Variants in CPED1 observed in about 807,000 individuals in gnomAD.
CPED1 encodes the protein cadherin like and PC-esterase domain containing 1.
Under a neutral mutation model 128.2 loss-of-function variants are expected in CPED1, and 114 were observed. The ratio of observed to expected loss-of-function variants is 0.89; its 90% CI spans 0.76 to 1.04. CPED1 has a LOEUF of 1.04. Ranked by LOEUF, CPED1 falls within the 50% of genes least tolerant of loss-of-function variation. The probability of loss-of-function intolerance (pLI) is 0.00; values close to 1 mark genes in which losing one functional copy is unlikely to be tolerated. For missense variants in CPED1, 1,211 were observed against 1,207.1 expected, an observed-to-expected ratio of 1.00 and a Z score of -0.05; for synonymous variants, 462 against 426.7, an observed-to-expected ratio of 1.08 and a Z score of -1.02.
intron 4 of CPED1, among the ~76,000 whole-genome samples, chr7:121,058,654 A>G (rs1563009122): frequency 1.3e-5 from 2 of 152,216 alleles, no homozygotes; most frequent in South Asian, 4.1e-4. Flanking sequence ...TGTTTTCTTA[A>G]TCATATCAAT....
At position 121,188,243 on chromosome 7, in the gene CPED1, T is replaced by C. The variant is rs1468124913; in HGVS notation, c.2055+46102T>C. ...ACGATTGACCATATGTTGATAATTG[T>C]TGAATATGGATGTTCAATCCAAATT... On this transcript the variant is annotated intron_variant, in intron 16 of 22. Transcript: ENST00000310396. Among the ~76,000 whole-genome samples, 3 of 152,170 alleles carry C rather than the reference T, an allele frequency of 2.0e-5. No individual in the cohort carries two copies. In the East Asian group the frequency reaches 5.8e-4, roughly 29 times the overall value.
intron 9 of CPED1, among the ~76,000 whole-genome samples, chr7:121,126,284 T>C (rs1795502284): frequency 1.3e-5 from 2 of 152,162 alleles, no homozygotes; most frequent in African/African-American, 4.8e-5. Context: ...TAGTTTAAAA[T>C]TGGTTTATAT....
At chr7:120,989,968 T>C (rs1796283756) in intron 2 of CPED1, 98 bp downstream of exon 2, 2 of 1,434,904 alleles carry the variant, frequency 1.4e-6, no homozygotes, top group Admixed American at 3.8e-5. Context: ...CCATGAGGTC[T>C]GAAAGGGATC....
rs1584557915 is a variant in CPED1, at chr7:121,160,219, T to C, written c.2055+18078T>C. ...TAAATGCATCATTACATTACATCACTATTACATTATATCACTATGACATTA... is the reference window on the plus strand; with the variant it reads ...TAAATGCATCATTACATTACATCACCATTACATTATATCACTATGACATTA... On this transcript the variant is annotated intron_variant, in intron 16 of 22. Transcript: ENST00000310396. Among the ~76,000 whole-genome samples, 7 of 152,290 alleles carry C rather than the reference T, an allele frequency of 4.6e-5. 1 individual carries two copies. Among genetic ancestry groups the C allele is most frequent in the Admixed American group, 4.6e-4 (7 of 15,282 alleles).
intron 22 of CPED1, among the ~76,000 whole-genome samples, chr7:121,276,604 A>C (rs1353826388): frequency 6.6e-6 from 1 of 152,170 alleles, no homozygotes; most frequent in South Asian, 2.1e-4. Flanking sequence ...TGAAACACCA[A>C]GAAGAGGCAC....
In CPED1 at chr7:121,015,672, A is replaced by C. The variant is rs767537314; in HGVS notation, c.257A>C (p.Glu86Ala). 4 of 1,597,424 alleles carry C rather than the reference A, an allele frequency of 2.5e-6. No homozygotes were observed. In the Admixed American group the frequency reaches 7.2e-5, roughly 29 times the overall value. The change falls in exon 3 of 23, where the codon GAA becomes GCA. Residue 86 changes from glutamate to alanine, a missense_variant. Glu to Ala is a moderately radical substitution (Grantham distance 107, BLOSUM62 -1). Coordinates refer to ENST00000310396, the MANE Select transcript of CPED1 (RefSeq NM_024913.5). ...GNAQETRKVK[E>A]SMETHFGSHG... The stretch of plus-strand genomic sequence containing the variant: ...TATGCCTTCTTTTCTTAGGTCAAAG[A>C]ATCAATGGAGACACACTTTGGCAGC...
intron 16 of CPED1, among the ~76,000 whole-genome samples, chr7:121,178,008 G>C (rs1796821891): frequency 6.6e-6 from 1 of 152,042 alleles, no homozygotes. Flanking sequence ...AAAAGCAATG[G>C]GGAAGTAAAG....
intron 16 of CPED1, among the ~76,000 whole-genome samples, chr7:121,147,076 G>A (rs1278563722): frequency 6.6e-6 from 1 of 152,092 alleles, no homozygotes; most frequent in Non-Finnish European, 1.5e-5. Flanking sequence ...TCTGTTGAGG[G>A]ACAAAGTCAA....
At chr7:121,292,574 G>A (rs1227071894) in intron 22 of CPED1, among the ~76,000 whole-genome samples, 7 of 151,952 alleles carry the variant, frequency 4.6e-5, no homozygotes, top group Admixed American at 4.6e-4. Flanking sequence ...GAGGAGTTGC[G>A]ATCGTTTGGA....
chr7:121,247,040 CAG>C (rs1798556331), intron 18 of CPED1, among the ~76,000 whole-genome samples: 1 of 152,172 alleles, frequency 6.6e-6, no homozygotes, highest in African/African-American at 2.4e-5. Flanking sequence ...CCATTTTTAA[CAG>C]AGAAGTGGCA....
intron 5 of CPED1, among the ~76,000 whole-genome samples, chr7:121,066,661 T>C (rs1793837011): frequency 6.6e-6 from 1 of 152,138 alleles, no homozygotes; most frequent in Non-Finnish European, 1.5e-5. Context: ...TTCATGGTTA[T>C]TGGTAGAAGA....
At position 121,183,832 on chromosome 7, in the gene CPED1, T is replaced by A. The variant is rs142335312; in HGVS notation, c.2055+41691T>A. 9.3e-4 allele frequency among the ~76,000 whole-genome samples: 142 copies of A among 152,298 alleles called. 2 individuals are homozygous for A. The highest frequency in any genetic ancestry group is 3.3e-3 in the African/African-American group (137 of 41,576). ...TAGACTGTTGATGATTAAAGATTCA[T>A]ACAATTCACTTGGGGGTAGAGAACG... On this transcript the variant is annotated intron_variant, in intron 16 of 22. Transcript: ENST00000310396.
intron 16 of CPED1, among the ~76,000 whole-genome samples, chr7:121,194,763 G>A (rs187511660): frequency 6.6e-6 from 1 of 152,090 alleles, no homozygotes; most frequent in East Asian, 1.9e-4. Context: ...CTCATTAGTT[G>A]TTTGTTTTTT....
At chr7:121,039,817 A>T (rs909615949) in intron 3 of CPED1, among the ~76,000 whole-genome samples, 28 of 152,066 alleles carry the variant, frequency 1.8e-4, no homozygotes, top group Non-Finnish European at 1.6e-4. Context: ...AAGTAAACTC[A>T]TTGATTTCCT....
chr7:121,118,569 A>G (rs553442202), intron 7 of CPED1, among the ~76,000 whole-genome samples: 5 of 151,492 alleles, frequency 3.3e-5, no homozygotes, highest in Admixed American at 2.6e-4. Context: ...AAAAAAAAAA[A>G]AAAACAGAGA....
intron 22 of CPED1, among the ~76,000 whole-genome samples, chr7:121,291,281 T>A (rs2116790542): frequency 6.6e-6 from 1 of 152,328 alleles, no homozygotes; most frequent in South Asian, 2.1e-4. Flanking sequence ...GTCTTGGTTA[T>A]ACGGGCTTCT....
chr7:121,127,606 A>G (rs12706313), intron 10 of CPED1, among the ~76,000 whole-genome samples: 51,267 of 145,744 alleles, frequency 0.35, 9,169 homozygotes, highest in Middle Eastern at 0.52. Context: ...CACGATCTTG[A>G]CTCACTGCAA....
intron 16 of CPED1, among the ~76,000 whole-genome samples, chr7:121,231,338 C>G (rs182022814): frequency 6.6e-6 from 1 of 152,072 alleles, no homozygotes; most frequent in Non-Finnish European, 1.5e-5. Flanking sequence ...ATTGTCAGCA[C>G]GAATTTGAGC....
intron 16 of CPED1, among the ~76,000 whole-genome samples, chr7:121,201,799 T>C (rs1418490574): frequency 6.6e-6 from 1 of 152,098 alleles, no homozygotes. Context: ...GTTTATATTT[T>C]TTTCTTATCT....
Sources: allele counts gnomAD v4.1 joint callset (sites outside exome capture counted in the v4.1 genomes callset), GRCh38; gene constraint gnomAD v4.1.1; transcripts MANE v1.5; gene names NCBI Gene and HGNC (gene_info 2026-07-23, HGNC 2026-07-21).